BRD10: variants seen among roughly 807,000 people sequenced by gnomAD.
The protein encoded by BRD10 is uncharacterized bromodomain-containing protein 10.
the BRD10 span, among the ~76,000 whole-genome samples, chr9:5,915,347 C>A: frequency 6.6e-6 from 1 of 152,166 alleles, no homozygotes; most frequent in African/African-American, 2.4e-5. Flanking sequence ...ATGTGGTAGG[C>A]ACCGGGCTAA....
chr9:5,950,606 G>T, the BRD10 span, among the ~76,000 whole-genome samples: 79 of 152,218 alleles, frequency 5.2e-4, no homozygotes, highest in Non-Finnish European at 9.4e-4. Flanking sequence ...TTAAATAAAG[G>T]TATCACATTA....
At chr9:6,007,841 G>A in the BRD10 span, 3 of 1,389,912 alleles carry the variant, frequency 2.2e-6, no homozygotes, top group Non-Finnish European at 1.9e-6. Flanking sequence ...GGTGCTGGGG[G>A]ACGCGTGAGC....
chr9:5,937,817 G>T, the BRD10 span, among the ~76,000 whole-genome samples: 6 of 152,322 alleles, frequency 3.9e-5, no homozygotes, highest in East Asian at 9.6e-4. Context: ...TTAAAATCTA[G>T]TTCTTAGTTG....
the BRD10 span, among the ~76,000 whole-genome samples, chr9:5,963,428 A>G: frequency 7.1e-6 from 1 of 141,252 alleles, no homozygotes; most frequent in African/African-American, 2.7e-5. Context: ...ATGGAAGAAC[A>G]TTTCATGCTC....
chr9:6,007,084 T>A, the BRD10 span: 1 of 1,100,204 alleles, frequency 9.1e-7, no homozygotes, highest in Non-Finnish European at 1.3e-6. Context: ...CAGCACCGAC[T>A]CAGCACCTAT....
At chr9:5,923,952 T>A in the BRD10 span, among the ~76,000 whole-genome samples, 1 of 152,196 alleles carries the variant, frequency 6.6e-6, no homozygotes, top group East Asian at 1.9e-4. Flanking sequence ...TTACATAACG[T>A]AATCTGATAA....
the BRD10 span, among the ~76,000 whole-genome samples, chr9:5,894,685 T>C: frequency 6.6e-6 from 1 of 152,116 alleles, no homozygotes; most frequent in South Asian, 2.1e-4. This position sits in a 1 kb window ranked among gnomAD's most constrained non-coding sequence, Gnocchi z 4.0. Context: ...ATACAGACAA[T>C]GTGAGCATTG....
chr9:5,908,538 C>A, the BRD10 span: 43 of 1,030,656 alleles, frequency 4.2e-5, no homozygotes, highest in African/African-American at 6.8e-4. Context: ...AAATTTCAGT[C>A]CACAGGGAAA....
At chr9:6,002,568 G>C in the BRD10 span, among the ~76,000 whole-genome samples, 5 of 152,020 alleles carry the variant, frequency 3.3e-5, no homozygotes, top group Admixed American at 3.3e-4. Context: ...AAGCAAGCCA[G>C]TAAGAATTCA....
At chr9:5,958,891 T>A in the BRD10 span, among the ~76,000 whole-genome samples, 1 of 152,184 alleles carries the variant, frequency 6.6e-6, no homozygotes, top group Non-Finnish European at 1.5e-5. Context: ...TGTCTTTTAT[T>A]TACTAAATGT....
the BRD10 span, chr9:5,892,537 C>T: frequency 2.5e-6 from 4 of 1,613,272 alleles, no homozygotes; most frequent in South Asian, 4.4e-5. Context: ...GCCACTCTTA[C>T]ACCACGGCTG....
the BRD10 span, among the ~76,000 whole-genome samples, chr9:5,954,920 T>C: frequency 6.6e-6 from 1 of 152,026 alleles, no homozygotes; most frequent in Non-Finnish European, 1.5e-5. Context: ...AAACCCCGTC[T>C]CTACTAAAAA....
At chr9:5,900,350 G>A in the BRD10 span, among the ~76,000 whole-genome samples, 1 of 151,884 alleles carries the variant, frequency 6.6e-6, no homozygotes. Context: ...AAATTTCCTG[G>A]TTTATTTAAT....
chr9:5,909,877 T>C, the BRD10 span: 1 of 152,218 alleles, frequency 6.6e-6, no homozygotes, highest in African/African-American at 2.4e-5. Context: ...TTTGGCTACA[T>C]CAACGTATCA....
At chr9:5,960,865 C>G in the BRD10 span, among the ~76,000 whole-genome samples, 1 of 152,162 alleles carries the variant, frequency 6.6e-6, no homozygotes, top group African/African-American at 2.4e-5. Flanking sequence ...GGATCCTACA[C>G]AGCCATTTAA....
chr9:5,941,924 T>C, the BRD10 span, among the ~76,000 whole-genome samples: 1 of 152,148 alleles, frequency 6.6e-6, no homozygotes, highest in African/African-American at 2.4e-5. Context: ...AGCTAGGTGT[T>C]TGTATTATAT....
chr9:5,956,468 A>T, the BRD10 span, among the ~76,000 whole-genome samples: 1 of 152,286 alleles, frequency 6.6e-6, no homozygotes, highest in Admixed American at 6.5e-5. Context: ...TATCACATAC[A>T]AGACCTTGAG....
the BRD10 span, among the ~76,000 whole-genome samples, chr9:5,989,096 G>C: frequency 6.6e-6 from 1 of 151,842 alleles, no homozygotes; most frequent in African/African-American, 2.4e-5. Context: ...CGGGCGCGGT[G>C]GCGCATGCCT....
chr9:5,909,851 T>G, the BRD10 span: 67 of 152,200 alleles, frequency 4.4e-4, no homozygotes, highest in Admixed American at 9.8e-4. Flanking sequence ...CATAGCAACA[T>G]TGCAATTTGT....
Sources: allele counts gnomAD v4.1 joint callset (sites outside exome capture counted in the v4.1 genomes callset), GRCh38; gene constraint gnomAD v4.1.1; non-coding constraint Gnocchi (gnomAD v3.1); transcripts MANE v1.5; gene names NCBI Gene and HGNC (gene_info 2026-07-23, HGNC 2026-07-21).